SETD2: variants seen among roughly 807,000 people sequenced by gnomAD.
SETD2 encodes the protein histone-lysine N-methyltransferase SETD2.
A neutral mutation model predicts 242.1 loss-of-function variants in SETD2; 31 were observed. The ratio of observed to expected loss-of-function variants is 0.13; its 90% confidence interval spans 0.10 to 0.17. The LOEUF is 0.17. Among genes scored for constraint, SETD2 ranks in the 10% least tolerant of loss-of-function variants. The pLI, the probability that SETD2 is intolerant of heterozygous loss-of-function variation, is 1.00. For missense variants in SETD2, 2,481 were observed against 3,046.3 expected, an observed-to-expected ratio of 0.81 and a Z score of 4.37; for synonymous variants, 1,006 against 1,066.5, an observed-to-expected ratio of 0.94 and a Z score of 1.11.
At chr3:47,161,022 C>G (rs1455294743) in intron 1 of SETD2, among the ~76,000 whole-genome samples, 1 of 152,196 alleles carries the variant, frequency 6.6e-6, no homozygotes, top group Non-Finnish European at 1.5e-5. Flanking sequence ...TTACTTCAGT[C>G]AAACTGAATT....
At chr3:47,058,002 T>C (rs528315029) in intron 14 of SETD2, among the ~76,000 whole-genome samples, 1 of 151,704 alleles carries the variant, frequency 6.6e-6, no homozygotes, top group South Asian at 2.1e-4. Context: ...CATAAAAACA[T>C]ACAGCAGAAA....
Position 47,139,093 on chromosome 3 carries a change from A to G in SETD2, c.72-12430T>C, listed in dbSNP as rs117251566. Among the ~76,000 whole-genome samples the G allele has an allele frequency of 3.7e-4, 56 of 152,082 alleles. No homozygotes were observed. In the East Asian group the frequency reaches 6.8e-3, roughly 18 times the overall value. On this transcript the variant is annotated intron_variant, in intron 1 of 20. Transcript: ENST00000409792. ...GCAATCCTCCCTCCCAAGTCTCCTC[A>G]GCTGGCTAATTTTCTTTAACTTTTT... is the stretch of plus-strand genomic sequence containing the variant.
intron 9 of SETD2, among the ~76,000 whole-genome samples, chr3:47,089,293 A>C (rs1257522795): frequency 1.3e-5 from 2 of 152,170 alleles, no homozygotes; most frequent in Non-Finnish European, 2.9e-5. Flanking sequence ...TAAAAATCAA[A>C]AAAATTAGCC....
intron 10 of SETD2, among the ~76,000 whole-genome samples, chr3:47,087,547 A>C (rs192891417): frequency 3.3e-5 from 5 of 152,322 alleles, no homozygotes; most frequent in Admixed American, 2.6e-4. Flanking sequence ...CCCCGTTCCT[A>C]ATCAGCCCAT....
At chr3:47,063,442 G>A (rs1418376101) in intron 13 of SETD2, among the ~76,000 whole-genome samples, 1 of 151,806 alleles carries the variant, frequency 6.6e-6, no homozygotes, top group Non-Finnish European at 1.5e-5. Context: ...ACACCACTGC[G>A]CTTCAGCCTG....
chr3:47,083,929 T>C lies in SETD2; in HGVS notation c.5851A>G (p.Thr1951Ala), dbSNP rs146894026. 3.2e-5 allele frequency: 52 copies of C among 1,614,182 alleles called. No homozygotes were observed. In the African/African-American group the frequency reaches 6.1e-4, roughly 19 times the overall value. Reference sequence around the variant, plus strand: ...TCAGCGTCAGCTTCTGGTTCAGATGTAGGTAGCTTACTAGCTTCTATGTTG... The same window carrying C: ...TCAGCGTCAGCTTCTGGTTCAGATGCAGGTAGCTTACTAGCTTCTATGTTG... ...ETNIEASKLP[T>A]SEPEADAEIE... The change falls in exon 12 of 21, where the codon ACA becomes GCA. Residue 1951 changes from threonine (T) to alanine (A), a missense_variant. Thr to Ala is a moderately conservative substitution (Grantham distance 58). Transcript: ENST00000409792.
rs2107484216 is a variant in SETD2 at position 47,017,086 on chromosome 3, C to T, written c.*7G>A. ...TGACCACCCATCCTCCCACCCTGGC[C>T]CAACAGTCACTCTAATTCAGTGTCC... On this transcript the variant is annotated 3_prime_UTR_variant, in exon 21 of 21. Transcript: ENST00000409792. This position sits in a 1 kb window ranked among gnomAD's most constrained non-coding sequence, Gnocchi z 4.8. The T allele has an allele frequency of 6.2e-7, 1 of 1,613,854 alleles. No homozygotes were observed. The highest frequency in any genetic ancestry group is 8.5e-7 in the Non-Finnish European group (1 of 1,179,844).
intron 15 of SETD2, among the ~76,000 whole-genome samples, chr3:47,055,180 A>G (rs1489284373): frequency 6.6e-6 from 1 of 152,260 alleles, no homozygotes; most frequent in Admixed American, 6.5e-5. Flanking sequence ...TTAGTAATTA[A>G]AACAGGATAC....
intron 3 of SETD2, among the ~76,000 whole-genome samples, chr3:47,118,357 T>C (rs2042942813): frequency 6.6e-6 from 1 of 152,186 alleles, no homozygotes. Flanking sequence ...ATTATATTCA[T>C]ATTATTTTTT....
At chr3:47,105,222 C>CTTG (rs2042362361) in intron 6 of SETD2, among the ~76,000 whole-genome samples, 1 of 151,914 alleles carries the variant, frequency 6.6e-6, no homozygotes, top group Admixed American at 6.6e-5. Context: ...CCAGCCTGGC[C>CTTG]AACATGGCAA....
At chr3:47,124,903 T>C (rs1421158045) in intron 2 of SETD2, among the ~76,000 whole-genome samples, 2 of 152,182 alleles carry the variant, frequency 1.3e-5, no homozygotes, top group African/African-American at 2.4e-5. Context: ...GACATTTGTA[T>C]AAAGGGCAAT....
chr3:47,046,677 G>T, intron 15 of SETD2, 56 bp from the exon 16 acceptor site: 1 of 1,487,108 alleles, frequency 6.7e-7, no homozygotes, highest in Non-Finnish European at 9.1e-7. Flanking sequence ...TTAATAAACA[G>T]ACTGACTTCC....
At chr3:47,027,782 G>GT (rs762410250) in intron 18 of SETD2, among the ~76,000 whole-genome samples, 13 of 125,842 alleles carry the variant, frequency 1.0e-4, no homozygotes, top group African/African-American at 3.0e-4. Flanking sequence ...GCTGCTGCTG[G>GT]TTTTTTTTTT....
intron 1 of SETD2, among the ~76,000 whole-genome samples, chr3:47,150,186 C>T (rs747615237): frequency 3.3e-5 from 5 of 151,858 alleles, no homozygotes; most frequent in Non-Finnish European, 5.9e-5. Context: ...CCTGCCACCA[C>T]GCCCGGCTAA....
At chr3:47,070,269 G>A (rs898403090) in intron 12 of SETD2, among the ~76,000 whole-genome samples, 5 of 152,132 alleles carry the variant, frequency 3.3e-5, no homozygotes, top group South Asian at 2.1e-4. Flanking sequence ...ACAAAATAAT[G>A]ATTACTACTG....
rs555251712 is a variant in SETD2 at position 47,075,302 on chromosome 3, G to A, written c.6061-8184C>T. On this transcript the variant is annotated intron_variant, in intron 12 of 20. Coordinates refer to ENST00000409792, the MANE Select transcript of SETD2 (RefSeq NM_014159.7). ...AGGCTGGGCGCGGTGGCTCACACCC[G>A]TAATCCTAGCACTTTGGGAAGCCGA... 8.5e-5 allele frequency among the ~76,000 whole-genome samples: 13 copies of A among 152,184 alleles called. No homozygotes were observed. The East Asian group carries it at 9.7e-4, about 11-fold the overall frequency.
At chr3:47,144,372 C>T (rs994710088) in intron 1 of SETD2, among the ~76,000 whole-genome samples, 1 of 152,158 alleles carries the variant, frequency 6.6e-6, no homozygotes, top group African/African-American at 2.4e-5. Flanking sequence ...GGTGCAGTGG[C>T]TCATGCCTGT....
At chr3:47,139,986 A>G (rs1261308002) in intron 1 of SETD2, among the ~76,000 whole-genome samples, 2 of 152,186 alleles carry the variant, frequency 1.3e-5, no homozygotes, top group Non-Finnish European at 2.9e-5. Context: ...CTAAATCTAG[A>G]AAAAAATAAC....
At position 47,133,053 on chromosome 3, in the gene SETD2, TAA is replaced by T. The variant is rs539619178; in HGVS notation, c.72-6392_72-6391del. Reference sequence around the variant, plus strand: ...AAATACATATTTGAGGATATAGGAGTAAAGAGGCATCATGTCTGCAAATTTCC... The same window carrying T: ...AAATACATATTTGAGGATATAGGAGTAGAGGCATCATGTCTGCAAATTTCC... On this transcript the variant is annotated intron_variant, in intron 1 of 20. Transcript: ENST00000409792. Among the ~76,000 whole-genome samples the T allele has an allele frequency of 2.2e-3, 330 of 152,130 alleles. 1 individual carries two copies. Among genetic ancestry groups the T allele is most frequent in the African/African-American group, 7.4e-3 (305 of 41,496 alleles).
Sources: gnomAD v4.1 joint callset for allele counts (sites outside exome capture counted in the v4.1 genomes callset) on GRCh38, gnomAD v4.1.1 for gene constraint, Gnocchi (gnomAD v3.1) non-coding constraint, MANE v1.5 for transcripts, NCBI Gene and HGNC (gene_info 2026-07-23, HGNC 2026-07-21) for gene names.